Variants in ITSN1 observed in about 807,000 individuals in gnomAD.
ITSN1 encodes intersectin 1.
In ITSN1, 58 loss-of-function variants were observed where a neutral mutation model predicts 239.8. The ratio of observed to expected loss-of-function variants is 0.24; its 90% confidence interval spans 0.20 to 0.30. The LOEUF (loss-of-function observed/expected upper bound fraction) is 0.30, where lower values mean the gene tolerates loss of function less well. Ranked by LOEUF, ITSN1 falls within the 10% of genes least tolerant of loss-of-function variation. The pLI, the probability that ITSN1 is intolerant of heterozygous loss-of-function variation, is 1.00. For missense variants in ITSN1, 1,558 were observed against 2,103.3 expected (o/e 0.74, Z 5.07); for synonymous variants, 780 against 770.8 (o/e 1.01, Z -0.20).
intron 24 of ITSN1, among the ~76,000 whole-genome samples, chr21:33,821,630 T>A (rs2073682838): frequency 6.6e-6 from 1 of 152,210 alleles, no homozygotes; most frequent in Admixed American, 6.5e-5. Flanking sequence ...CACTCTCAGA[T>A]GTCTTTGTGC....
At chr21:33,710,859 G>T (rs554822138) in intron 1 of ITSN1, among the ~76,000 whole-genome samples, 1 of 149,768 alleles carries the variant, frequency 6.7e-6, no homozygotes, top group South Asian at 2.1e-4. Flanking sequence ...AGGCTGGAGT[G>T]CAGTGCTGCG....
rs756432269 is a variant in ITSN1 at position 33,829,576 on chromosome 21, C to T, written c.3230-48C>T. The stretch of plus-strand genomic sequence containing the variant: ...CGCCTGCATCTTCTTGGCCTTTTCT[C>T]CTGCTGACTCTTAACAGTGCACTGC... On this transcript the variant is annotated intron_variant, in intron 26 of 39. Coordinates refer to ENST00000381318, the MANE Select transcript of ITSN1 (RefSeq NM_003024.3). The T allele has an allele frequency of 7.5e-6, 12 of 1,601,830 alleles. No homozygotes were observed. The South Asian group carries it at 1.3e-4, about 18-fold the overall frequency.
At chr21:33,835,945 T>A (rs1050974475) in intron 28 of ITSN1, among the ~76,000 whole-genome samples, 3 of 152,044 alleles carry the variant, frequency 2.0e-5, no homozygotes, top group Non-Finnish European at 4.4e-5. Flanking sequence ...AAATAAATAA[T>A]AAATAAATAA....
intron 18 of ITSN1, among the ~76,000 whole-genome samples, chr21:33,799,066 A>G (rs1013682787): frequency 1.3e-5 from 2 of 152,190 alleles, no homozygotes; most frequent in Non-Finnish European, 2.9e-5. Flanking sequence ...TTCAGATAAG[A>G]TAGGTATATG....
In ITSN1 at chr21:33,865,698, C is replaced by A. The variant is rs77651039; in HGVS notation, c.4074+364C>A. Among the ~76,000 whole-genome samples the A allele has an allele frequency of 7.9e-3, 1,196 of 152,346 alleles. 15 individuals are homozygous for A. Among genetic ancestry groups the A allele is most frequent in the African/African-American group, 0.027 (1,134 of 41,586 alleles). On this transcript the variant is annotated intron_variant, in intron 32 of 39. Coordinates refer to ENST00000381318, the MANE Select transcript of ITSN1 (RefSeq NM_003024.3). This position sits in a 1 kb window ranked among gnomAD's most constrained non-coding sequence, Gnocchi z 4.4. The stretch of plus-strand genomic sequence containing the variant: ...TAATCGCCACATCCTCAGTTCTTTG[C>A]TGGTCTCTGCCCTTCACTTGCAGAG...
intron 1 of ITSN1, among the ~76,000 whole-genome samples, chr21:33,661,344 C>T (rs1451258874): frequency 6.6e-6 from 1 of 151,964 alleles, no homozygotes; most frequent in Non-Finnish European, 1.5e-5. Context: ...AGTATCTAGT[C>T]ATACAAGCAT....
At chr21:33,838,413 A>T in intron 29 of ITSN1, 1 of 983,622 alleles carries the variant, frequency 1.0e-6, no homozygotes, top group Non-Finnish European at 1.2e-6. Context: ...ATATATAAAT[A>T]TATAAACCTG....
At chr21:33,721,668 G>A (rs964382635) in intron 3 of ITSN1, among the ~76,000 whole-genome samples, 6 of 151,454 alleles carry the variant, frequency 4.0e-5, no homozygotes, top group Non-Finnish European at 8.8e-5. Flanking sequence ...CGTGGTGGGC[G>A]CCTGTAATCC....
rs1286174108 is a variant in ITSN1, at chr21:33,888,387, C to A, written c.*87C>A. The A allele has an allele frequency of 1.5e-6, 2 of 1,365,984 alleles. No homozygotes were observed. The highest frequency in any genetic ancestry group is 1.5e-5 in the African/African-American group (1 of 68,698). 84.6% of individuals were successfully genotyped at this position (1,365,984 alleles called of 1,614,324 possible). On this transcript the variant is annotated 3_prime_UTR_variant, in exon 40 of 40. Transcript: ENST00000381318. ...ATTGTATTCCTTTTCTAAGAAACCA[C>A]CATTTGGTATTCAGTCACAGGGATA...
intron 9 of ITSN1, among the ~76,000 whole-genome samples, chr21:33,765,266 G>A (rs1036080748): frequency 2.0e-5 from 3 of 152,136 alleles, no homozygotes; most frequent in South Asian, 2.1e-4. Context: ...TAATCCCAGC[G>A]ATTTGATAGG....
chr21:33,851,197 G>A lies in ITSN1; in HGVS notation c.3662-5539G>A, dbSNP rs543331138. On this transcript the variant is annotated intron_variant, in intron 29 of 39. Transcript: ENST00000381318. ...ACCTTATCTCTTGCAGTGTCTCCGC[G>A]TCGACCTGGCACCTGGGTGAAGGCT... is the stretch of plus-strand genomic sequence containing the variant. Among the ~76,000 whole-genome samples, 14 of 152,084 alleles carry A rather than the reference G, an allele frequency of 9.2e-5. No individual in the cohort carries two copies. In the South Asian group the frequency reaches 2.1e-3, roughly 23 times the overall value.
chr21:33,766,107 C>A, intron 10 of ITSN1, 95 bp downstream of exon 10: 2 of 1,327,704 alleles, frequency 1.5e-6, no homozygotes, highest in Non-Finnish European at 1.1e-6. Flanking sequence ...ATTTTCATCC[C>A]TGACAAGGAA....
chr21:33,823,157 A>G (rs1369385096), intron 24 of ITSN1, among the ~76,000 whole-genome samples: 4 of 152,346 alleles, frequency 2.6e-5, no homozygotes, highest in Admixed American at 2.0e-4. Context: ...AAATGTAAAA[A>G]CCATTTTCAT....
At chr21:33,646,162 A>C (rs2087927314) in intron 1 of ITSN1, among the ~76,000 whole-genome samples, 1 of 152,222 alleles carries the variant, frequency 6.6e-6, no homozygotes, top group African/African-American at 2.4e-5. Context: ...CTGATTTTAT[A>C]AATTAGGAGC....
At chr21:33,806,522 C>A (rs188841513) in intron 20 of ITSN1, among the ~76,000 whole-genome samples, 1 of 152,366 alleles carries the variant, frequency 6.6e-6, no homozygotes, top group East Asian at 1.9e-4. Context: ...GTAATATCAT[C>A]GGCCTTTGCC....
chr21:33,722,544 G>GTTTTT, intron 3 of ITSN1, 44 bp from the exon 4 acceptor site: 4 of 1,284,442 alleles, frequency 3.1e-6, no homozygotes, highest in African/African-American at 1.8e-5. Flanking sequence ...GTCAGCTGTT[G>GTTTTT]TTTTTTTTTT....
rs1986871515 is a variant in ITSN1, at chr21:33,897,868, A to G, written c.*9568A>G. ...ACTCAACTAAATTTCTTATATTAAA[A>G]AAAAATTCCAAGTTGTATATGTTAG... On this transcript the variant is annotated 3_prime_UTR_variant, in exon 40 of 40. Transcript: ENST00000381318. The G allele has an allele frequency of 6.6e-6, 1 of 152,198 alleles. No individual in the cohort carries two copies. Among genetic ancestry groups the G allele is most frequent in the Non-Finnish European group, 1.5e-5 (1 of 68,046 alleles). 9.4% of individuals were successfully genotyped at this position (152,198 alleles called of 1,614,324 possible).
At chr21:33,830,171 C>T (rs528905579) in intron 27 of ITSN1, among the ~76,000 whole-genome samples, 4 of 151,894 alleles carry the variant, frequency 2.6e-5, no homozygotes, top group South Asian at 2.1e-4. Context: ...TGTGCGCGCA[C>T]GTGTGTGTGT....
chr21:33,680,119 G>A (rs2090854524), intron 1 of ITSN1, among the ~76,000 whole-genome samples: 1 of 151,890 alleles, frequency 6.6e-6, no homozygotes, highest in African/African-American at 2.4e-5. Context: ...GCATTTTATT[G>A]TTTCTAAAGC....
Sources: gnomAD v4.1 joint callset for allele counts (sites outside exome capture counted in the v4.1 genomes callset) on GRCh38, gnomAD v4.1.1 for gene constraint, Gnocchi (gnomAD v3.1) non-coding constraint, MANE v1.5 for transcripts, NCBI Gene and HGNC (gene_info 2026-07-23, HGNC 2026-07-21) for gene names.